The following CLMP variants were observed in gnomAD, a reference collection of about 807,000 sequenced individuals.
The protein encoded by CLMP is CXADR-like membrane protein.
Under a neutral mutation model 45.2 loss-of-function variants are expected in CLMP, and 27 were observed. The observed-to-expected ratio is 0.60, with a 90% CI of 0.44 to 0.82. The LOEUF is 0.82. CLMP is among the 40% of genes least tolerant of loss of function. The pLI is 0.00. For synonymous variants in CLMP, 167 were observed against 171.4 expected (o/e 0.97, Z 0.20); for missense variants, 403 against 448.4 (o/e 0.90, Z 0.91).
rs538404743 is a variant in CLMP at position 123,183,777 on chromosome 11, C to A, written c.28+11136G>T. Among the ~76,000 whole-genome samples the A allele has an allele frequency of 2.6e-5, 4 of 152,224 alleles. No homozygotes were observed. The East Asian group carries it at 7.7e-4, about 29-fold the overall frequency. ...CAGGGAAAGCTCACTGACTGCCCACCCGATGTGCTGGGGTGGGGATGAAAC... is the reference window on the plus strand; with the variant it reads ...CAGGGAAAGCTCACTGACTGCCCACACGATGTGCTGGGGTGGGGATGAAAC... On this transcript the variant is annotated intron_variant, in intron 1 of 6. Coordinates refer to ENST00000448775, the MANE Select transcript of CLMP (RefSeq NM_024769.5).
chr11:123,145,765 T>G (rs568759730), intron 1 of CLMP, among the ~76,000 whole-genome samples: 12 of 152,330 alleles, frequency 7.9e-5, no homozygotes, highest in Admixed American at 7.8e-4. Flanking sequence ...TGCCCGGCCT[T>G]GCGGCTGGTT....
chr11:123,130,977 G>C (rs2447081), intron 1 of CLMP, among the ~76,000 whole-genome samples: 1 of 151,554 alleles, frequency 6.6e-6, no homozygotes, highest in East Asian at 1.9e-4. Context: ...CAAGTAGCTG[G>C]GATTACAGGT....
intron 1 of CLMP, among the ~76,000 whole-genome samples, chr11:123,153,241 A>G (rs1861366812): frequency 6.6e-6 from 1 of 152,140 alleles, no homozygotes; most frequent in African/African-American, 2.4e-5. Context: ...TCCCCCAGGC[A>G]TAGAATGGCT....
At chr11:123,118,981 CTT>C (rs1565387840) in intron 1 of CLMP, among the ~76,000 whole-genome samples, 20 of 50,256 alleles carry the variant, frequency 4.0e-4, no homozygotes, top group Admixed American at 5.1e-4. Context: ...TTCTTTCTTT[CTT>C]TCTTTCTTTC....
At position 123,073,221 on chromosome 11, in the gene CLMP, T is replaced by C. The variant is rs1865694314; in HGVS notation, c.*253A>G. 2.6e-6 allele frequency: 1 copy of C among 381,990 alleles called. No homozygotes were observed. The highest frequency in any genetic ancestry group is 7.4e-5 in the South Asian group (1 of 13,428). 23.7% of individuals were successfully genotyped at this position (381,990 alleles called of 1,614,324 possible). ...ACAGGTCCTGGTCAACAAATAGATT[T>C]GGACTCCTGCTTTCCCTTACTCTGG... On this transcript the variant is annotated 3_prime_UTR_variant, in exon 7 of 7. Coordinates refer to ENST00000448775, the MANE Select transcript of CLMP (RefSeq NM_024769.5).
At chr11:123,122,634 C>T (rs1384859201) in intron 1 of CLMP, among the ~76,000 whole-genome samples, 3 of 152,126 alleles carry the variant, frequency 2.0e-5, no homozygotes, top group Admixed American at 2.0e-4. Flanking sequence ...TCTCTCTTAT[C>T]CCGAGAACCT....
In CLMP at chr11:123,074,962, T is replaced by TTG. The variant is rs202212073; in HGVS notation, c.680-120_680-119insCA. 3.6e-4 allele frequency: 442 copies of TTG among 1,233,808 alleles called. No homozygotes were observed. The African/African-American group carries it at 5.5e-3, about 15-fold the overall frequency. 76.4% of individuals were successfully genotyped at this position (1,233,808 alleles called of 1,614,324 possible). A position where few individuals can be genotyped will look rare whatever the true frequency, so the allele number is the denominator to read the frequency against. ...TATTTGCAGGTTTGTTTGTTTTGTT[T>TTG]TTTTTTTTTTGAGACGGAGTTTCAC... is the stretch of plus-strand genomic sequence containing the variant. On this transcript the variant is annotated intron_variant, in intron 5 of 6. Transcript: ENST00000448775.
At chr11:123,112,248 A>G (rs939160420) in intron 1 of CLMP, among the ~76,000 whole-genome samples, 1 of 152,128 alleles carries the variant, frequency 6.6e-6, no homozygotes, top group Admixed American at 6.6e-5. Flanking sequence ...ACTATATGTA[A>G]TGTAGAATCT....
Position 123,160,730 on chromosome 11 carries a change from A to C in CLMP, c.28+34183T>G, listed in dbSNP as rs141486335. The stretch of plus-strand genomic sequence containing the variant: ...CAGTGACTCAAGCCTGTAATCCCAG[A>C]ACTTTGGGAGGCTGAGGTGGGCGGA... On this transcript the variant is annotated intron_variant, in intron 1 of 6. Transcript: ENST00000448775. Among the ~76,000 whole-genome samples the C allele has an allele frequency of 3.3e-3, 509 of 152,004 alleles. 12 individuals carry two copies. The East Asian group carries it at 0.05, about 15-fold the overall frequency.
chr11:123,101,193 C>T (rs554876771), intron 1 of CLMP, among the ~76,000 whole-genome samples: 4 of 152,340 alleles, frequency 2.6e-5, no homozygotes, highest in African/African-American at 7.2e-5. Context: ...ACTGCGACCT[C>T]TGCCTCCTGG....
In CLMP at chr11:123,113,145, C is replaced by A. The variant is rs1565385920; in HGVS notation, c.29-15193G>T. ...TGATGCTACAACATTTTCTTAAACA[C>A]CCCTTATGCTTCCAGTTGTGGGTAC... On this transcript the variant is annotated intron_variant, in intron 1 of 6. Coordinates refer to ENST00000448775, the MANE Select transcript of CLMP (RefSeq NM_024769.5). Among the ~76,000 whole-genome samples the A allele has an allele frequency of 3.9e-5, 6 of 152,228 alleles. No homozygotes were observed. The South Asian group carries it at 1.2e-3, about 31-fold the overall frequency.
chr11:123,098,020 C>A, intron 1 of CLMP, 68 bp from the exon 2 acceptor site: 1 of 1,307,806 alleles, frequency 7.6e-7, no homozygotes, highest in Non-Finnish European at 1.0e-6. Context: ...GCAAATATGA[C>A]AACAAAGAAT....
At position 123,072,255 on chromosome 11, in the gene CLMP, A is replaced by C. The variant is rs1865680263; in HGVS notation, c.*1219T>G. 1 of 152,208 alleles carries C rather than the reference A, an allele frequency of 6.6e-6. No individual in the cohort carries two copies. The highest frequency in any genetic ancestry group is 2.4e-5 in the African/African-American group (1 of 41,444). The allele number at this position is 152,208 out of a possible 1,614,324, so 9.4% of individuals were successfully genotyped here. A position where few individuals can be genotyped will look rare whatever the true frequency, so the allele number is the denominator to read the frequency against. On this transcript the variant is annotated 3_prime_UTR_variant, in exon 7 of 7. Transcript: ENST00000448775. ...GGTTCATATCCTTCTAAAATGGAAG[A>C]AATGGAGGAAGTTCCAAGTGTGGTA...
chr11:123,096,645 A>G (rs926591652), intron 2 of CLMP, among the ~76,000 whole-genome samples: 1 of 152,222 alleles, frequency 6.6e-6, no homozygotes, highest in African/African-American at 2.4e-5. Flanking sequence ...ATATCAATAT[A>G]ATGAGGTGAT....
At chr11:123,168,337 A>G (rs973808330) in intron 1 of CLMP, among the ~76,000 whole-genome samples, 3 of 152,164 alleles carry the variant, frequency 2.0e-5, no homozygotes, top group African/African-American at 7.2e-5. Flanking sequence ...ACCAGACAGC[A>G]TCTAGGGCAG....
intron 1 of CLMP, among the ~76,000 whole-genome samples, chr11:123,140,957 G>T (rs1861147514): frequency 6.6e-6 from 1 of 151,982 alleles, no homozygotes; most frequent in African/African-American, 2.4e-5. Context: ...TAATTAATGT[G>T]AGAGTGAGTT....
chr11:123,183,638 C>T (rs569300494), intron 1 of CLMP, among the ~76,000 whole-genome samples: 2 of 152,236 alleles, frequency 1.3e-5, no homozygotes, highest in African/African-American at 4.8e-5. Context: ...CATTCCATGT[C>T]CTGAGGAACC....
At chr11:123,123,770 C>A (rs893930120) in intron 1 of CLMP, among the ~76,000 whole-genome samples, 1 of 152,148 alleles carries the variant, frequency 6.6e-6, no homozygotes, top group African/African-American at 2.4e-5. Context: ...CATGTAGCAT[C>A]CAGTGTAGTT....
At chr11:123,165,698 A>T (rs1277301798) in intron 1 of CLMP, among the ~76,000 whole-genome samples, 1 of 152,132 alleles carries the variant, frequency 6.6e-6, no homozygotes, top group Non-Finnish European at 1.5e-5. Flanking sequence ...GCCAGCTTCA[A>T]AAGCAGTGTT....
Sources: gnomAD v4.1 joint callset for allele counts (sites outside exome capture counted in the v4.1 genomes callset) on GRCh38, gnomAD v4.1.1 for gene constraint, MANE v1.5 for transcripts, NCBI Gene and HGNC (gene_info 2026-07-23, HGNC 2026-07-21) for gene names.